Variants in MTCL1 observed in about 807,000 individuals in gnomAD.
MTCL1 encodes the protein microtubule cross-linking factor 1.
MTCL1 carries 79 observed loss-of-function variants against 141.4 expected under a neutral mutation model. That is an observed-to-expected ratio of 0.56 (90% CI 0.47 to 0.67). The LOEUF (loss-of-function observed/expected upper bound fraction) is 0.67. Among genes scored for constraint, MTCL1 ranks in the 30% least tolerant of loss-of-function variants. MTCL1 has a pLI of 0.00. For missense variants in MTCL1, 2,177 were observed against 2,113.9 expected, an observed-to-expected ratio of 1.03 and a Z score of -0.59; for synonymous variants, 914 against 875.8, an observed-to-expected ratio of 1.04 and a Z score of -0.77.
At chr18:8,796,031 T>G (rs1475939519) in intron 8 of MTCL1, among the ~76,000 whole-genome samples, 3 of 152,218 alleles carry the variant, frequency 2.0e-5, no homozygotes, top group Non-Finnish European at 2.9e-5. Flanking sequence ...TAGCACTTGA[T>G]TCTGAATCGC....
chr18:8,738,046 C>T (rs187961618), intron 4 of MTCL1, among the ~76,000 whole-genome samples: 1 of 152,324 alleles, frequency 6.6e-6, no homozygotes, highest in African/African-American at 2.4e-5. Flanking sequence ...TCAATAATTT[C>T]ATAGCTAATA....
At chr18:8,790,082 CAACACTGG>C (rs752187576) in intron 7 of MTCL1, among the ~76,000 whole-genome samples, 30 of 152,302 alleles carry the variant, frequency 2.0e-4, no homozygotes, top group Non-Finnish European at 2.9e-4. Context: ...TCTCCAGAGA[CAACACTGG>C]AGCCATCGTA....
chr18:8,743,659 T>C (rs2096317846), intron 4 of MTCL1, among the ~76,000 whole-genome samples: 1 of 152,250 alleles, frequency 6.6e-6, no homozygotes, highest in Non-Finnish European at 1.5e-5. Flanking sequence ...AAGCCAGCAA[T>C]GGCGGGCTGA....
In MTCL1 at chr18:8,718,519, G is replaced by A. The variant is rs143156505; in HGVS notation, c.69G>A (p.Leu23=). ...AGCTGCAGGAACTTCGGCGAGAACT[G>A]GACCGCGCTAATAAAAACTGCCGAA... Residue 23 remains leucine (L), a synonymous_variant, in exon 3 of 17, where the codon CTG becomes CTA. Transcript: ENST00000359865. 24 of 1,614,188 alleles carry A rather than the reference G, an allele frequency of 1.5e-5. No individual in the cohort carries two copies. The African/African-American group carries it at 2.8e-4, about 19-fold the overall frequency.
chr18:8,799,113 C>T (rs561737), intron 10 of MTCL1, among the ~76,000 whole-genome samples: 74,844 of 152,104 alleles, frequency 0.49, 19,172 homozygotes, highest in Admixed American at 0.63. Context: ...CACGGGGATG[C>T]GGCAGTCATA....
intron 4 of MTCL1, among the ~76,000 whole-genome samples, chr18:8,773,060 A>G (rs2096491424): frequency 6.6e-6 from 1 of 152,222 alleles, no homozygotes; most frequent in Non-Finnish European, 1.5e-5. Context: ...AATATATACA[A>G]TAAAATAAAA....
intron 4 of MTCL1, among the ~76,000 whole-genome samples, chr18:8,775,236 G>A (rs532025729): frequency 1.3e-5 from 2 of 152,220 alleles, no homozygotes; most frequent in African/African-American, 4.8e-5. Context: ...GAGAGAGCCT[G>A]CTGATTCATC....
chr18:8,745,100 A>G (rs2096328987), intron 4 of MTCL1, among the ~76,000 whole-genome samples: 1 of 152,258 alleles, frequency 6.6e-6, no homozygotes, highest in Non-Finnish European at 1.5e-5. Context: ...ATTTTCAGTT[A>G]TAAGTAAAGT....
At chr18:8,713,580 GT>G (rs1474751005), upstream of MTCL1, among the ~76,000 whole-genome samples, 1 of 152,204 alleles carries the variant, frequency 6.6e-6, no homozygotes, top group African/African-American at 2.4e-5. Flanking sequence ...AGTAATCATA[GT>G]TTTTGCTTTT....
chr18:8,745,619 G>A (rs757639788), intron 4 of MTCL1, among the ~76,000 whole-genome samples: 3 of 152,122 alleles, frequency 2.0e-5, no homozygotes, highest in Non-Finnish European at 4.4e-5. Flanking sequence ...GTCACTGTTC[G>A]TTTCCCGGTG....
intron 10 of MTCL1, among the ~76,000 whole-genome samples, chr18:8,803,565 C>T (rs781098049): frequency 6.6e-6 from 1 of 152,266 alleles, no homozygotes; most frequent in African/African-American, 2.4e-5. Context: ...CCACTTTTGC[C>T]GTTGTGTGCT....
chr18:8,820,934 C>G (rs757582309), intron 13 of MTCL1, among the ~76,000 whole-genome samples: 2 of 152,320 alleles, frequency 1.3e-5, no homozygotes, highest in Non-Finnish European at 2.9e-5. Flanking sequence ...GGGGAAGGCA[C>G]TGTACTTTGC....
chr18:8,706,492 G>C (rs1169139456), exon 1 of MTCL1: 1 of 1,280,778 alleles, frequency 7.8e-7, no homozygotes, highest in South Asian at 2.7e-5. Flanking sequence ...CGCCGCGGGC[G>C]CCTGTCCCGG....
rs767555393 is a variant in MTCL1, at chr18:8,784,002, A to G, written c.890A>G (p.Asp297Gly). 14 of 1,613,640 alleles carry G rather than the reference A, an allele frequency of 8.7e-6. No homozygotes were observed. In the South Asian group the frequency reaches 1.5e-4, roughly 18 times the overall value. The change falls in exon 6 of 17, where the codon GAC becomes GGC. Residue 297 changes from aspartate to glycine, a missense_variant. By Grantham distance (94) the Asp-to-Gly change is moderately conservative. Transcript: ENST00000359865. ...CGGAGGTCCATCTCCGAGATCGAAG[A>G]CCACAACCGGCAACTGACCCACGAG...
chr18:8,765,299 T>C (rs1037872714), intron 4 of MTCL1, among the ~76,000 whole-genome samples: 4 of 152,220 alleles, frequency 2.6e-5, no homozygotes, highest in Admixed American at 2.6e-4. Context: ...GGGGCAACTA[T>C]GCCAGAGACA....
intron 4 of MTCL1, among the ~76,000 whole-genome samples, chr18:8,754,969 G>C (rs1031332271): frequency 6.6e-6 from 1 of 152,162 alleles, no homozygotes; most frequent in Admixed American, 6.5e-5. Flanking sequence ...TGAGCAGCCT[G>C]GTGCGTTTGG....
intron 15 of MTCL1, among the ~76,000 whole-genome samples, chr18:8,827,349 A>G (rs1373552546): frequency 1.3e-5 from 2 of 152,214 alleles, no homozygotes; most frequent in African/African-American, 2.4e-5. Context: ...TGGCCCACCA[A>G]TGAATGTTTA....
chr18:8,831,706 T>TC, exon 17 of MTCL1: 3 of 1,550,298 alleles, frequency 1.9e-6, no homozygotes, highest in Non-Finnish European at 1.7e-6. Context: ...GGCCCCACAT[T>TC]CCCCCACTGC....
At chr18:8,769,413 A>G (rs1465940064) in intron 4 of MTCL1, among the ~76,000 whole-genome samples, 1 of 152,094 alleles carries the variant, frequency 6.6e-6, no homozygotes, top group Non-Finnish European at 1.5e-5. Flanking sequence ...GTTTTACTTT[A>G]TTACCTTTGA....
Sources: gnomAD v4.1 joint callset for allele counts (sites outside exome capture counted in the v4.1 genomes callset) on GRCh38, gnomAD v4.1.1 for gene constraint, MANE v1.5 for transcripts, NCBI Gene and HGNC (gene_info 2026-07-23, HGNC 2026-07-21) for gene names.